PRRX1: variants seen among roughly 807,000 people sequenced by gnomAD.
The protein encoded by PRRX1 is paired mesoderm homeobox protein 1.
In PRRX1, 8 loss-of-function variants were observed where a neutral mutation model predicts 24.0. The ratio of observed to expected loss-of-function variants is 0.33; its 90% CI spans 0.20 to 0.60. The LOEUF is 0.60. Among genes scored for constraint, PRRX1 ranks in the 20% least tolerant of loss-of-function variants. The pLI, the probability that PRRX1 is intolerant of heterozygous loss-of-function variation, is 0.82. For synonymous variants in PRRX1, 160 were observed against 131.7 expected, an observed-to-expected ratio of 1.22 and a Z score of -1.47; for missense variants, 281 against 322.4, an observed-to-expected ratio of 0.87 and a Z score of 0.98.
In PRRX1 at chr1:170,739,329, T is replaced by C. The variant is rs1281094112; in HGVS notation, c.*3143T>C. The C allele has an allele frequency of 1.1e-5, 2 of 180,818 alleles. No homozygotes were observed. Among genetic ancestry groups the C allele is most frequent in the Non-Finnish European group, 2.4e-5 (2 of 84,414 alleles). 11.2% of individuals were successfully genotyped at this position (180,818 alleles called of 1,614,324 possible). ...AATATGTAAATTATATCTTGCTTTA[T>C]GTTGTAAAATATACATTGTTTGCGC... On this transcript the variant is annotated 3_prime_UTR_variant, in exon 4 of 4. Transcript: ENST00000239461.
chr1:170,670,195 T>A (rs1653101330), intron 1 of PRRX1, among the ~76,000 whole-genome samples: 1 of 152,220 alleles, frequency 6.6e-6, no homozygotes, highest in Non-Finnish European at 1.5e-5. Flanking sequence ...TATTTTACTT[T>A]GATGCTTTTT....
intron 1 of PRRX1, among the ~76,000 whole-genome samples, chr1:170,715,217 T>C (rs2101914110): frequency 6.6e-6 from 1 of 152,324 alleles, no homozygotes; most frequent in South Asian, 2.1e-4. Flanking sequence ...TTACTTGCTA[T>C]GTATTGTTAA....
intron 1 of PRRX1, among the ~76,000 whole-genome samples, chr1:170,682,908 C>G (rs1012450033): frequency 6.6e-6 from 1 of 152,154 alleles, no homozygotes; most frequent in East Asian, 1.9e-4. Context: ...GCCTTCCAGG[C>G]AGAGGAAGTG....
chr1:170,675,456 A>T (rs907043715), intron 1 of PRRX1, among the ~76,000 whole-genome samples: 9 of 152,176 alleles, frequency 5.9e-5, no homozygotes, highest in African/African-American at 2.2e-4. Context: ...TTGAATTTTT[A>T]AAATTAAATA....
At chr1:170,705,463 T>G (rs1654526969) in intron 1 of PRRX1, among the ~76,000 whole-genome samples, 1 of 152,058 alleles carries the variant, frequency 6.6e-6, no homozygotes, top group South Asian at 2.1e-4. Context: ...TTGTTATTTT[T>G]GTAGAGACAG....
intron 1 of PRRX1, among the ~76,000 whole-genome samples, chr1:170,704,132 A>G (rs1332407497): frequency 6.6e-6 from 1 of 152,260 alleles, no homozygotes; most frequent in African/African-American, 2.4e-5. Flanking sequence ...GTTAAAATTT[A>G]TTAAATTAAC....
chr1:170,722,520 A>G (rs1032764844), intron 2 of PRRX1: 2 of 152,204 alleles, frequency 1.3e-5, no homozygotes, highest in African/African-American at 4.8e-5. Context: ...CCATACACTT[A>G]TGATATCATA....
intron 1 of PRRX1, among the ~76,000 whole-genome samples, chr1:170,688,013 A>T (rs1002896245): frequency 1.3e-5 from 2 of 152,224 alleles, no homozygotes; most frequent in African/African-American, 4.8e-5. Context: ...GAATATTTTG[A>T]TTGAGAAGCA....
chr1:170,692,137 T>C (rs1484760542), intron 1 of PRRX1, among the ~76,000 whole-genome samples: 1 of 152,098 alleles, frequency 6.6e-6, no homozygotes, highest in Non-Finnish European at 1.5e-5. Context: ...CATAATAAAG[T>C]TGTTTTTATC....
At chr1:170,663,223 T>C (rs1652787030), upstream of PRRX1, 1 of 152,234 alleles carries the variant, frequency 6.6e-6, no homozygotes, top group Admixed American at 6.5e-5. Context: ...AAAGGGGGTC[T>C]GTGAAACGTC....
chr1:170,683,260 A>T (rs966754824), intron 1 of PRRX1, among the ~76,000 whole-genome samples: 1 of 152,144 alleles, frequency 6.6e-6, no homozygotes, highest in African/African-American at 2.4e-5. Context: ...CAGATGAGAG[A>T]TGATGGTGTC....
At chr1:170,692,276 G>T (rs932677659) in intron 1 of PRRX1, among the ~76,000 whole-genome samples, 1 of 151,946 alleles carries the variant, frequency 6.6e-6, no homozygotes, top group African/African-American at 2.4e-5. Context: ...AATCCTTATG[G>T]GGTAAGAACC....
upstream of PRRX1, chr1:170,664,037 CT>C (rs1213054104): frequency 3.5e-6 from 2 of 567,852 alleles, no homozygotes; most frequent in Admixed American, 4.2e-5. Flanking sequence ...CCCCCACCCT[CT>C]TTTCCAATTT....
intron 1 of PRRX1, among the ~76,000 whole-genome samples, chr1:170,674,358 C>T (rs574480773): frequency 1.3e-5 from 2 of 152,228 alleles, no homozygotes; most frequent in East Asian, 1.9e-4. Context: ...CTCATTTTGG[C>T]TTCTCTGACT....
chr1:170,686,114 A>C (rs917706759), intron 1 of PRRX1, among the ~76,000 whole-genome samples: 9 of 148,082 alleles, frequency 6.1e-5, no homozygotes, highest in Non-Finnish European at 1.0e-4. Flanking sequence ...CATTAAGCTC[A>C]CTTAAAAATG....
rs1652842646 is a variant in PRRX1, at chr1:170,664,427, T to A, written c.209T>A (p.Leu70His). 1 of 1,608,764 alleles carries A rather than the reference T, an allele frequency of 6.2e-7. No individual in the cohort carries two copies. Among genetic ancestry groups the A allele is most frequent in the Non-Finnish European group, 8.5e-7 (1 of 1,178,160 alleles). The change falls in exon 1 of 4, where the codon CTC (leucine) becomes CAC (histidine). Residue 70 changes from leucine to histidine, a missense_variant. By Grantham distance (99) the Leu-to-His change is moderately conservative. Coordinates refer to ENST00000239461, the MANE Select transcript of PRRX1 (RefSeq NM_022716.4). The part of the protein sequence containing the change: ...AGRSLLESPG[L>H]TSGSDTPQQD... ...CGGAGCCTGCTGGAGTCGCCGGGAC[T>A]CACCAGCGGCAGCGACACCCCGCAG...
intron 1 of PRRX1, among the ~76,000 whole-genome samples, chr1:170,694,522 A>C (rs1256905446): frequency 1.3e-5 from 2 of 152,164 alleles, no homozygotes; most frequent in Non-Finnish European, 2.9e-5. Context: ...GCATTTGCTT[A>C]TTCAAAAGCT....
intron 1 of PRRX1, among the ~76,000 whole-genome samples, chr1:170,715,938 G>A (rs183921877): frequency 1.1e-4 from 16 of 152,270 alleles, no homozygotes; most frequent in Non-Finnish European, 2.1e-4. Context: ...TGCACAGCGT[G>A]TATGTTGTCA....
At position 170,719,794 on chromosome 1, in the gene PRRX1, A is replaced by G. The variant is rs75715275; in HGVS notation, c.310A>G (p.Ser104Gly). Residue 104 changes from serine (S) to glycine (G), a missense_variant, in exon 2 of 4, where the codon AGC becomes GGC. Coordinates refer to ENST00000239461, the MANE Select transcript of PRRX1 (RefSeq NM_022716.4). Reference sequence around the variant, plus strand: ...AAGGAATAGGACAACCTTCAATAGCAGCCAGCTGCAGGCTTTGGAGCGTGT... The same window carrying G: ...AAGGAATAGGACAACCTTCAATAGCGGCCAGCTGCAGGCTTTGGAGCGTGT... The part of the protein sequence containing the change: ...QRRNRTTFNS[S>G]QLQALERVFE... 5.5e-4 allele frequency: 885 copies of G among 1,614,236 alleles called. 3 individuals are homozygous for G. In the African/African-American group the frequency reaches 0.011, roughly 19 times the overall value.
Sources: gnomAD v4.1 joint callset for allele counts (sites outside exome capture counted in the v4.1 genomes callset) on GRCh38, gnomAD v4.1.1 for gene constraint, MANE v1.5 for transcripts, NCBI Gene and HGNC (gene_info 2026-07-23, HGNC 2026-07-21) for gene names.